Variants in TRIM36 observed in about 807,000 individuals in gnomAD.
TRIM36 encodes the protein E3 ubiquitin-protein ligase TRIM36.
TRIM36 carries 42 observed loss-of-function variants against 72.4 expected under a neutral mutation model. That is an observed-to-expected ratio of 0.58 (90% confidence interval 0.45 to 0.75). TRIM36 has a LOEUF of 0.75. TRIM36 is among the 30% of genes least tolerant of loss of function. The pLI is 0.00. For missense variants in TRIM36, 913 were observed against 857.1 expected (o/e 1.07, Z -0.81); for synonymous variants, 315 against 282.8 (o/e 1.11, Z -1.14).
Position 115,169,803 on chromosome 5 carries a change from C to T in TRIM36, c.-169G>A. 4.5e-6 allele frequency: 6 copies of T among 1,319,538 alleles called. No individual in the cohort carries two copies. The highest frequency in any genetic ancestry group is 1.5e-5 in the African/African-American group (1 of 66,088). 81.7% of individuals were successfully genotyped at this position (1,319,538 alleles called of 1,614,324 possible). A position where few individuals can be genotyped will look rare whatever the true frequency, so the allele number is the denominator to read the frequency against. ...CGGACCGACGCGGGGAGAAGTAAGC[C>T]GGGGCAGGCAAAAGCACAGGCGCGG... On this transcript the variant is annotated 5_prime_UTR_variant, in exon 1 of 10. Transcript: ENST00000513154.
Position 115,137,085 on chromosome 5 carries a change from A to C in TRIM36, c.1125T>G (p.Pro375=). 6.2e-7 allele frequency: 1 copy of C among 1,610,606 alleles called. No homozygotes were observed. Among genetic ancestry groups the C allele is most frequent in the South Asian group, 1.1e-5 (1 of 90,076 alleles). Residue 375 remains proline, a synonymous_variant, in exon 7 of 10, where the codon CCT becomes CCG. Transcript: ENST00000513154. The stretch of plus-strand genomic sequence containing the variant: ...AGTCTTCAAAAGAAGTCTGAGCTGC[A>C]GGTCTAAAGCTCTTCAAAGATTCTG... ...KATESLKSFR[P]AAQTSFEDYV...
intron 9 of TRIM36, among the ~76,000 whole-genome samples, chr5:115,127,347 G>C (rs1752410373): frequency 6.6e-6 from 1 of 152,208 alleles, no homozygotes; most frequent in East Asian, 1.9e-4. Context: ...GACCACTTGA[G>C]GCCAGGAGTT....
intron 1 of TRIM36, among the ~76,000 whole-genome samples, chr5:115,167,974 C>T (rs1182533277): frequency 6.6e-6 from 1 of 152,214 alleles, no homozygotes; most frequent in Admixed American, 6.5e-5. Flanking sequence ...GCACGTTTTA[C>T]ATGGCAGCAG....
chr5:115,144,037 A>AT (rs371373270), intron 4 of TRIM36, among the ~76,000 whole-genome samples: 7,333 of 149,662 alleles, frequency 0.049, 644 homozygotes, highest in African/African-American at 0.17. Flanking sequence ...TGCCCAGCTA[A>AT]TTTTTTTTTT....
chr5:115,173,204 GTT>G (rs1453961615), upstream of TRIM36, among the ~76,000 whole-genome samples: 1 of 152,074 alleles, frequency 6.6e-6, no homozygotes, highest in Non-Finnish European at 1.5e-5. Context: ...ATCCTGGTGG[GTT>G]TTGTTTGCTT....
chr5:115,163,129 G>C (rs1754573528), intron 2 of TRIM36, among the ~76,000 whole-genome samples: 1 of 151,950 alleles, frequency 6.6e-6, no homozygotes, highest in African/African-American at 2.4e-5. Flanking sequence ...AGCTCATTTT[G>C]TATTTTTAGT....
upstream of TRIM36, chr5:115,171,087 T>G (rs765861920): frequency 1.2e-6 from 2 of 1,614,226 alleles, no homozygotes; most frequent in South Asian, 2.2e-5. Flanking sequence ...TACAGAGCTG[T>G]AGCGAGACAT....
rs1185804025 is a variant in TRIM36, at chr5:115,130,909, A to C, written c.1499-20T>G. ...TGAAAACTAAATGGAGCTTAAAATTAATATCAGGCTAAAAATTATCATTGC... is the reference window on the plus strand; with the variant it reads ...TGAAAACTAAATGGAGCTTAAAATTCATATCAGGCTAAAAATTATCATTGC... On this transcript the variant is annotated intron_variant, in intron 8 of 9. Transcript: ENST00000513154. The C allele has an allele frequency of 1.3e-6, 2 of 1,590,436 alleles. No individual in the cohort carries two copies. Among genetic ancestry groups the C allele is most frequent in the Non-Finnish European group, 1.7e-6 (2 of 1,168,358 alleles).
chr5:115,163,699 C>A lies in TRIM36; in HGVS notation c.81G>T (p.Leu27=). The A allele has an allele frequency of 6.2e-7, 1 of 1,614,160 alleles. No homozygotes were observed. The highest frequency in any genetic ancestry group is 8.5e-7 in the Non-Finnish European group (1 of 1,180,042). ...RELICPACKE[L]FTHPLILPCQ... is the part of the protein sequence containing the mutation. ...AAGGGAGAATCAATGGGTGGGTAAA[C>A]AGCTCCTTGCATGCTGGGCAAATGA... is the stretch of plus-strand genomic sequence containing the variant. Residue 27 remains leucine (L), a synonymous_variant, in exon 2 of 10, where the codon CTG becomes CTT. Transcript: ENST00000513154.
chr5:115,159,549 C>G (rs1754363927), intron 2 of TRIM36: 1 of 412,112 alleles, frequency 2.4e-6, no homozygotes, highest in Admixed American at 3.0e-5. Context: ...GAAGACTTGA[C>G]CACTGATGTT....
chr5:115,177,233 T>G (rs188757399), intron 1 of TRIM36: 3 of 154,162 alleles, frequency 1.9e-5, no homozygotes, highest in African/African-American at 7.2e-5. Flanking sequence ...ACAACAAGCA[T>G]ATATTCCAGG....
At chr5:115,169,439 C>T (rs1332794976) in intron 1 of TRIM36, among the ~76,000 whole-genome samples, 169 bp downstream of exon 1, 2 of 152,240 alleles carry the variant, frequency 1.3e-5, no homozygotes, top group African/African-American at 4.8e-5. Flanking sequence ...CCCCGGATTG[C>T]GGAACCTAGC....
intron 5 of TRIM36, among the ~76,000 whole-genome samples, chr5:115,139,732 T>C (rs1162899057): frequency 3.9e-5 from 6 of 152,184 alleles, no homozygotes; most frequent in African/African-American, 7.2e-5. Flanking sequence ...GCAAGTTATC[T>C]AGCGTAAAAA....
Position 115,169,836 on chromosome 5 carries a change from G to C in TRIM36, c.-202C>G. 3 of 1,322,246 alleles carry C rather than the reference G, an allele frequency of 2.3e-6. No individual in the cohort carries two copies. The highest frequency in any genetic ancestry group is 2.9e-6 in the Non-Finnish European group (3 of 1,033,298). The allele number at this position is 1,322,246 out of a possible 1,614,324, so 81.9% of individuals were successfully genotyped here. A position where few individuals can be genotyped will look rare whatever the true frequency, so the allele number is the denominator to read the frequency against. ...GCAAAAGCACAGGCGCGGGAGAAGC[G>C]AGCTTTGCTCCCAGCGACTACCCCG... On this transcript the variant is annotated 5_prime_UTR_variant, in exon 1 of 10. Transcript: ENST00000513154.
chr5:115,177,709 T>G, intron 1 of TRIM36: 1 of 1,613,818 alleles, frequency 6.2e-7, no homozygotes, highest in Non-Finnish European at 8.5e-7. Context: ...CCAGACCAAC[T>G]CTCCCCCTCC....
At chr5:115,180,277 T>G, upstream of TRIM36, 1 of 432,002 alleles carries the variant, frequency 2.3e-6, no homozygotes, top group South Asian at 3.6e-5. Flanking sequence ...CGGTCGGGGC[T>G]GCGCGATCTA....
At chr5:115,173,548 G>A (rs183096927), upstream of TRIM36, among the ~76,000 whole-genome samples, 6 of 152,144 alleles carry the variant, frequency 3.9e-5, no homozygotes, top group East Asian at 1.9e-4. Context: ...GTGTGTGCGC[G>A]CACGCATGTG....
chr5:115,169,770 G>T lies in TRIM36; in HGVS notation c.-136C>A. ...TGGAAGATGAGCTGGTCAGCTGTACGTGGCCAGCGGACCGACGCGGGGAGA... is the reference window on the plus strand; with the variant it reads ...TGGAAGATGAGCTGGTCAGCTGTACTTGGCCAGCGGACCGACGCGGGGAGA... On this transcript the variant is annotated 5_prime_UTR_variant, in exon 1 of 10. Transcript: ENST00000513154. 1 of 1,336,974 alleles carries T rather than the reference G, an allele frequency of 7.5e-7. No individual in the cohort carries two copies. Among genetic ancestry groups the T allele is most frequent in the Non-Finnish European group, 9.7e-7 (1 of 1,035,446 alleles). The allele number at this position is 1,336,974 out of a possible 1,614,324, so 82.8% of individuals were successfully genotyped here.
chr5:115,152,539 G>A (rs1004306193), intron 2 of TRIM36, among the ~76,000 whole-genome samples: 29 of 152,206 alleles, frequency 1.9e-4, no homozygotes, highest in African/African-American at 3.1e-4. Flanking sequence ...GAAATTCATC[G>A]CAAAAAGATC....
Sources: allele counts gnomAD v4.1 joint callset (sites outside exome capture counted in the v4.1 genomes callset), GRCh38; gene constraint gnomAD v4.1.1; transcripts MANE v1.5; gene names NCBI Gene and HGNC (gene_info 2026-07-23, HGNC 2026-07-21).